The following TAS2R1 variants were observed in gnomAD, a reference collection of about 807,000 sequenced individuals.
The protein encoded by TAS2R1 is taste receptor type 2 member 1.
For synonymous variants in TAS2R1, 141 were observed against 134.2 expected, an observed-to-expected ratio of 1.05 and a Z score of -0.35; for missense variants, 370 against 353.4, an observed-to-expected ratio of 1.05 and a Z score of -0.38.
At chr5:9,882,093 T>C in the TAS2R1 span, among the ~76,000 whole-genome samples, 1 of 152,088 alleles carries the variant, frequency 6.6e-6, no homozygotes, top group African/African-American at 2.4e-5. Flanking sequence ...GGGAGAAAAT[T>C]TTTGCAATCT....
chr5:9,839,028 T>C, the TAS2R1 span, among the ~76,000 whole-genome samples: 2 of 152,172 alleles, frequency 1.3e-5, no homozygotes, highest in African/African-American at 2.4e-5. Flanking sequence ...GTTTTAAAAG[T>C]CAAATCCTTG....
the TAS2R1 span, among the ~76,000 whole-genome samples, chr5:9,866,155 C>T: frequency 1.3e-5 from 2 of 152,180 alleles, no homozygotes; most frequent in South Asian, 4.1e-4. Context: ...TACTAATTCT[C>T]TCTACTACCC....
the TAS2R1 span, among the ~76,000 whole-genome samples, chr5:9,725,832 A>C: frequency 7.2e-6 from 1 of 138,492 alleles, no homozygotes; most frequent in Non-Finnish European, 1.5e-5. Flanking sequence ...TGTCTAGTTA[A>C]GGGATTATAA....
intron 1 of TAS2R1, among the ~76,000 whole-genome samples, chr5:9,695,133 A>G (rs1741332294): frequency 1.3e-5 from 2 of 152,216 alleles, no homozygotes; most frequent in Non-Finnish European, 2.9e-5. Context: ...GCAGATTAAA[A>G]CAATTCAATC....
chr5:9,790,893 G>T, the TAS2R1 span, among the ~76,000 whole-genome samples: 10 of 152,086 alleles, frequency 6.6e-5, no homozygotes, highest in East Asian at 3.9e-4. Context: ...ACCCACTTCT[G>T]CCTCTCAAAG....
the TAS2R1 span, among the ~76,000 whole-genome samples, chr5:9,794,664 T>A: frequency 7.9e-4 from 121 of 152,346 alleles, no homozygotes; most frequent in Non-Finnish European, 1.6e-3. Flanking sequence ...TGAGAAAATA[T>A]CTTTACTAAA....
the TAS2R1 span, among the ~76,000 whole-genome samples, chr5:9,827,625 C>CACAA: frequency 5.5e-5 from 8 of 145,912 alleles, no homozygotes; most frequent in African/African-American, 2.0e-4. Context: ...CACACACACA[C>CACAA]AATCACACAT....
intron 1 of TAS2R1, among the ~76,000 whole-genome samples, chr5:9,688,178 C>A (rs182133944): frequency 6.6e-6 from 1 of 152,220 alleles, no homozygotes; most frequent in African/African-American, 2.4e-5. Flanking sequence ...ACCATAGAAC[C>A]CATGCGATTT....
chr5:9,747,857 C>T, the TAS2R1 span, among the ~76,000 whole-genome samples: 1 of 151,220 alleles, frequency 6.6e-6, no homozygotes, highest in Non-Finnish European at 1.5e-5. Flanking sequence ...CTGGAGAGGC[C>T]AGTAAAGAGG....
upstream of TAS2R1, among the ~76,000 whole-genome samples, chr5:9,632,232 G>A (rs1014621624): frequency 2.6e-5 from 4 of 152,170 alleles, no homozygotes; most frequent in Non-Finnish European, 5.9e-5. Context: ...TATTAAGTGT[G>A]CAATAGCACT....
upstream of TAS2R1, among the ~76,000 whole-genome samples, chr5:9,715,652 C>T (rs1368689986): frequency 1.3e-5 from 2 of 152,144 alleles, no homozygotes; most frequent in Non-Finnish European, 2.9e-5. Context: ...TCCCCCAACC[C>T]CTGCCCTAGA....
intron 1 of TAS2R1, among the ~76,000 whole-genome samples, chr5:9,663,221 T>C (rs1334148075): frequency 6.6e-6 from 1 of 152,132 alleles, no homozygotes; most frequent in Non-Finnish European, 1.5e-5. Context: ...ATATATGTGC[T>C]AAAAGAAAAA....
the TAS2R1 span, among the ~76,000 whole-genome samples, chr5:9,742,791 C>G: frequency 3.3e-5 from 5 of 152,098 alleles, no homozygotes; most frequent in Non-Finnish European, 5.9e-5. Context: ...AATTCAATGT[C>G]ATTCACAAGA....
chr5:9,637,973 T>C (rs974533477), intron 2 of TAS2R1, among the ~76,000 whole-genome samples: 11 of 152,162 alleles, frequency 7.2e-5, no homozygotes, highest in Non-Finnish European at 5.9e-5. Flanking sequence ...AGCCGGTGTG[T>C]GTGATGTTTT....
chr5:9,703,764 T>G (rs946456327), intron 1 of TAS2R1, among the ~76,000 whole-genome samples: 1 of 152,190 alleles, frequency 6.6e-6, no homozygotes, highest in Non-Finnish European at 1.5e-5. Context: ...CATCTGTGCC[T>G]ACAACTGTCC....
chr5:9,796,643 T>C, the TAS2R1 span, among the ~76,000 whole-genome samples: 1 of 138,340 alleles, frequency 7.2e-6, no homozygotes, highest in African/African-American at 2.7e-5. Context: ...AACAAAAGAG[T>C]GGCCTGAAAG....
chr5:9,695,430 T>C (rs16883383), intron 1 of TAS2R1, among the ~76,000 whole-genome samples: 8,216 of 152,178 alleles, frequency 0.054, 699 homozygotes, highest in African/African-American at 0.19. Context: ...TGGAACTGGG[T>C]TGAGATAAAT....
At chr5:9,692,454 G>T (rs1026034494) in intron 1 of TAS2R1, among the ~76,000 whole-genome samples, 7 of 152,204 alleles carry the variant, frequency 4.6e-5, no homozygotes, top group African/African-American at 1.7e-4. Flanking sequence ...CCCAGTGGTT[G>T]TAGATATCCT....
rs200843393 is a variant in TAS2R1, at chr5:9,696,584, ATAGAG to A, written c.-242+15583_-242+15587del. Among the ~76,000 whole-genome samples, 1,214 of 152,150 alleles carry A rather than the reference ATAGAG, an allele frequency of 8.0e-3. 22 individuals carry two copies. The highest frequency in any genetic ancestry group is 0.028 in the African/African-American group (1,166 of 41,530). On this transcript the variant is annotated intron_variant, in intron 1 of 2. Coordinates refer to the TAS2R1 transcript ENST00000506620. Reference sequence around the variant, plus strand: ...CTCAAAAAATAAAATAAAATAAATAATAGAGTAAAATAAAAATAAAAATAGAATAT... The same window carrying A: ...CTCAAAAAATAAAATAAAATAAATAATAAAATAAAAATAAAAATAGAATAT...
Sources: gnomAD v4.1 joint callset for allele counts (sites outside exome capture counted in the v4.1 genomes callset) on GRCh38, gnomAD v4.1.1 for gene constraint, MANE v1.5 for transcripts, NCBI Gene and HGNC (gene_info 2026-07-23, HGNC 2026-07-21) for gene names.